Variants in TMX4 observed in about 807,000 individuals in gnomAD.
TMX4 encodes thioredoxin related transmembrane protein 4.
A neutral mutation model predicts 33.3 loss-of-function variants in TMX4; 23 were observed. The observed-to-expected ratio is 0.69, with a 90% CI of 0.50 to 0.98. The LOEUF is 0.98. Ranked by LOEUF, TMX4 falls within the 50% of genes least tolerant of loss-of-function variation. The pLI is 0.00. For synonymous variants in TMX4, 164 were observed against 161.5 expected, an observed-to-expected ratio of 1.02 and a Z score of -0.12; for missense variants, 399 against 448.9, an observed-to-expected ratio of 0.89 and a Z score of 1.01.
chr20:7,985,300 G>T (rs1185860145), intron 6 of TMX4, among the ~76,000 whole-genome samples: 3 of 146,402 alleles, frequency 2.0e-5, no homozygotes, highest in African/African-American at 7.7e-5. Flanking sequence ...TTGAGACAGG[G>T]TCTAGCTCTG....
chr20:8,010,731 T>C (rs1329045336), intron 1 of TMX4, among the ~76,000 whole-genome samples: 1 of 152,158 alleles, frequency 6.6e-6, no homozygotes, highest in Non-Finnish European at 1.5e-5. Context: ...GCTACAGATC[T>C]GATGGGCAGA....
chr20:7,988,612 A>T (rs2122855506), intron 5 of TMX4, among the ~76,000 whole-genome samples: 1 of 152,330 alleles, frequency 6.6e-6, no homozygotes, highest in East Asian at 1.9e-4. Context: ...AGATGCATCA[A>T]ATGCCTGAGC....
rs1435889880 is a variant in TMX4 at position 7,980,186 on chromosome 20, G to A, written c.*2065C>T. 1 of 152,138 alleles carries A rather than the reference G, an allele frequency of 6.6e-6. No individual in the cohort carries two copies. Among genetic ancestry groups the A allele is most frequent in the Non-Finnish European group, 1.5e-5 (1 of 68,030 alleles). The allele number at this position is 152,138 out of a possible 1,614,324, so 9.4% of individuals were successfully genotyped here. A position where few individuals can be genotyped will look rare whatever the true frequency, so the allele number is the denominator to read the frequency against. On this transcript the variant is annotated 3_prime_UTR_variant, in exon 8 of 8. Coordinates refer to ENST00000246024, the MANE Select transcript of TMX4 (RefSeq NM_021156.4). The stretch of plus-strand genomic sequence containing the variant: ...TGGCTTTACATTTTTAAAAGCCAGT[G>A]TAGACTGTATTTCTGCCTTACCTTC...
rs2050585977 is a variant in TMX4, at chr20:7,977,687, A to G, written c.*4564T>C. On this transcript the variant is annotated 3_prime_UTR_variant, in exon 8 of 8. Coordinates refer to ENST00000246024, the MANE Select transcript of TMX4 (RefSeq NM_021156.4). ...TTAGGTTCATTAGGCTAAGACTAAT[A>G]CCAGTAATATAAACAACAAATTTAT... 6.6e-6 allele frequency: 1 copy of G among 152,262 alleles called. No individual in the cohort carries two copies. Among genetic ancestry groups the G allele is most frequent in the African/African-American group, 2.4e-5 (1 of 41,472 alleles). The allele number at this position is 152,262 out of a possible 1,614,324, so 9.4% of individuals were successfully genotyped here.
intron 1 of TMX4, among the ~76,000 whole-genome samples, chr20:8,018,529 T>TGTCTCAGCAATCATTTTCC (rs1555779552): frequency 0.012 from 493 of 40,234 alleles, 154 homozygotes; most frequent in African/African-American, 0.039. Context: ...AGAGAGAGAG[T>TGTCTCAGCAATCATTTTCC]CTGCAAGCCC....
intron 6 of TMX4, among the ~76,000 whole-genome samples, chr20:7,985,273 A>AT (rs1272400357): frequency 1.3e-4 from 13 of 99,832 alleles, no homozygotes; most frequent in African/African-American, 5.7e-4. Context: ...ATATATATAT[A>AT]TATATTTTTT....
chr20:7,987,842 C>G (rs557470037), intron 5 of TMX4, among the ~76,000 whole-genome samples: 39 of 152,252 alleles, frequency 2.6e-4, no homozygotes, highest in African/African-American at 8.7e-4. Context: ...ATTAGACTCT[C>G]ATTGCTCTAC....
At chr20:7,994,677 C>T (rs1335381127) in intron 5 of TMX4, among the ~76,000 whole-genome samples, 1 of 152,188 alleles carries the variant, frequency 6.6e-6, no homozygotes, top group Non-Finnish European at 1.5e-5. Flanking sequence ...TAAAATTTCA[C>T]AGTCAATGCT....
intron 2 of TMX4, among the ~76,000 whole-genome samples, chr20:8,004,392 T>C (rs1190899824): frequency 2.0e-5 from 3 of 152,174 alleles, no homozygotes; most frequent in African/African-American, 4.8e-5. Flanking sequence ...CTCAGGATAA[T>C]AGTTCAGTGC....
chr20:7,980,425 C>T lies in TMX4; in HGVS notation c.*1826G>A, dbSNP rs1237489869. ...CCCGCTCTGCTCTGATCGAGAAAAG[C>T]TTCCTGATGTCAGGGAGATGGAACT... On this transcript the variant is annotated 3_prime_UTR_variant, in exon 8 of 8. Coordinates refer to ENST00000246024, the MANE Select transcript of TMX4 (RefSeq NM_021156.4). The T allele has an allele frequency of 6.6e-6, 1 of 152,206 alleles. No homozygotes were observed. The highest frequency in any genetic ancestry group is 2.4e-5 in the African/African-American group (1 of 41,426). 9.4% of individuals were successfully genotyped at this position (152,206 alleles called of 1,614,324 possible).
chr20:8,006,501 T>C (rs947385216), intron 2 of TMX4, among the ~76,000 whole-genome samples: 2 of 152,144 alleles, frequency 1.3e-5, no homozygotes, highest in Admixed American at 6.5e-5. Flanking sequence ...AAATACACAG[T>C]AAAGTGCTCA....
rs764701620 is a variant in TMX4, at chr20:7,987,286, AC to A, written c.615+1del. 6.4e-7 allele frequency: 1 copy of A among 1,572,994 alleles called. No homozygotes were observed. The highest frequency in any genetic ancestry group is 8.6e-7 in the Non-Finnish European group (1 of 1,161,324). On this transcript the variant is annotated splice_donor_variant, in intron 6 of 7. Coordinates refer to ENST00000246024, the MANE Select transcript of TMX4 (RefSeq NM_021156.4). LOFTEE classifies it high-confidence loss of function. ...TAGAAAAAGTTTGGTATTATCTCTTACCAGACCCATAAAAAGGCCAAAAACC... is the reference window on the plus strand; with the variant it reads ...TAGAAAAAGTTTGGTATTATCTCTTACAGACCCATAAAAAGGCCAAAAACC...
intron 7 of TMX4, 80 bp downstream of exon 7, chr20:7,983,714 C>G: frequency 9.0e-7 from 1 of 1,108,404 alleles, no homozygotes; most frequent in Admixed American, 2.5e-5. Context: ...ACAGAGAAAA[C>G]CCACTATCTA....
rs1393551233 is a variant in TMX4, at chr20:7,981,126, A to G, written c.*1125T>C. 1 of 152,144 alleles carries G rather than the reference A, an allele frequency of 6.6e-6. No homozygotes were observed. The highest frequency in any genetic ancestry group is 2.4e-5 in the African/African-American group (1 of 41,432). The allele number at this position is 152,144 out of a possible 1,614,324, so 9.4% of individuals were successfully genotyped here. ...TGAGTATTGAGAGATTTACAAAGAT[A>G]TAATTCTTTGGAAGATTACAGAAGA... On this transcript the variant is annotated 3_prime_UTR_variant, in exon 8 of 8. Coordinates refer to ENST00000246024, the MANE Select transcript of TMX4 (RefSeq NM_021156.4).
chr20:7,994,366 A>G (rs889732047), intron 5 of TMX4, among the ~76,000 whole-genome samples: 6 of 152,200 alleles, frequency 3.9e-5, no homozygotes. Context: ...TGTGTTGCCC[A>G]TAGCTGGGCA....
chr20:7,999,550 C>T (rs1157372436), intron 4 of TMX4, among the ~76,000 whole-genome samples, 182 bp downstream of exon 4: 2 of 152,128 alleles, frequency 1.3e-5, no homozygotes, highest in African/African-American at 4.8e-5. Context: ...ATACTAAAAA[C>T]CAGCTGAAAC....
chr20:7,992,298 A>G (rs1211970411), intron 5 of TMX4, among the ~76,000 whole-genome samples: 2 of 152,210 alleles, frequency 1.3e-5, no homozygotes, highest in Admixed American at 1.3e-4. Flanking sequence ...AAATGTTGAG[A>G]CTATTTGTGA....
At chr20:8,019,291 A>G (rs2050800133) in intron 1 of TMX4, 147 bp downstream of exon 1, 1 of 979,190 alleles carries the variant, frequency 1.0e-6, no homozygotes, top group East Asian at 3.3e-5. Flanking sequence ...GCGGCCCGGC[A>G]CCGGCGCCGC....
chr20:8,006,228 GGAA>G (rs2050729901), intron 2 of TMX4, among the ~76,000 whole-genome samples: 1 of 151,438 alleles, frequency 6.6e-6, no homozygotes, highest in African/African-American at 2.4e-5. Context: ...ACCCTGTGAG[GGAA>G]GAAGGGAACT....
Sources: gnomAD v4.1 joint callset for allele counts (sites outside exome capture counted in the v4.1 genomes callset) on GRCh38, gnomAD v4.1.1 for gene constraint, MANE v1.5 for transcripts, NCBI Gene and HGNC (gene_info 2026-07-23, HGNC 2026-07-21) for gene names.